Variants in SLC50A1 observed in about 807,000 individuals in gnomAD.
The protein encoded by SLC50A1 is solute carrier family 50 member 1, also known as sugar transporter SWEET1.
SLC50A1 carries 22 observed loss-of-function variants against 28.9 expected under a neutral mutation model. That is an observed-to-expected ratio of 0.76 (90% CI 0.54 to 1.09). The LOEUF (loss-of-function observed/expected upper bound fraction) is 1.09, where lower values mean the gene tolerates loss of function less well. SLC50A1 is among the 50% of genes least tolerant of loss of function. SLC50A1 has a pLI of 0.00. For synonymous variants in SLC50A1, 96 were observed against 110.6 expected (o/e 0.87, Z 0.83); for missense variants, 233 against 273.4 (o/e 0.85, Z 1.04).
Position 155,138,641 on chromosome 1 carries a change from A to G in SLC50A1, c.*360A>G, listed in dbSNP as rs375662790. The G allele has an allele frequency of 5.1e-5, 11 of 213,976 alleles. No homozygotes were observed. In the East Asian group the frequency reaches 9.9e-4, roughly 19 times the overall value. 13.3% of individuals were successfully genotyped at this position (213,976 alleles called of 1,614,324 possible). A position where few individuals can be genotyped will look rare whatever the true frequency, so the allele number is the denominator to read the frequency against. ...GGAGTTCAAGACCAACCTGACTAAC[A>G]TGGTGAAACCCCATCTCTACTAAAA... On this transcript the variant is annotated 3_prime_UTR_variant, in exon 6 of 6. Coordinates refer to ENST00000368404, the MANE Select transcript of SLC50A1 (RefSeq NM_018845.4).
intron 2 of SLC50A1, 188 bp from the exon 3 acceptor site, chr1:155,136,639 AG>A (rs1664499811): frequency 2.4e-6 from 2 of 849,992 alleles, no homozygotes. Context: ...GCTACTCGGG[AG>A]GCTGAGGCAG....
chr1:155,136,479 C>G (rs1231022595), intron 2 of SLC50A1, 103 bp downstream of exon 2: 2 of 1,095,480 alleles, frequency 1.8e-6, no homozygotes, highest in Non-Finnish European at 2.7e-6. Context: ...CGCGGTGGCT[C>G]ACGCCTGTAA....
chr1:155,135,638 C>A, upstream of SLC50A1: 2 of 1,550,348 alleles, frequency 1.3e-6, no homozygotes, highest in Non-Finnish European at 8.7e-7. Context: ...CGGGGACACA[C>A]CCGCGGAGCC....
chr1:155,137,362 C>T (rs1445249249), intron 3 of SLC50A1, among the ~76,000 whole-genome samples, 199 bp from the exon 4 acceptor site: 1 of 152,174 alleles, frequency 6.6e-6, no homozygotes, highest in Non-Finnish European at 1.5e-5. Context: ...ATATTTATCT[C>T]CCCCAGAAGT....
upstream of SLC50A1, chr1:155,135,629 G>A: frequency 6.5e-7 from 1 of 1,550,316 alleles, no homozygotes; most frequent in Non-Finnish European, 8.7e-7. Flanking sequence ...GGCAGGTATC[G>A]GGGACACACC....
chr1:155,135,806 C>T (rs1466587973), upstream of SLC50A1: 3 of 1,565,122 alleles, frequency 1.9e-6, no homozygotes, highest in Admixed American at 1.9e-5. Flanking sequence ...GGGGCGGAGC[C>T]GAGTGCGCGG....
In SLC50A1 at chr1:155,138,838, G is replaced by A. The variant is rs1222588425; in HGVS notation, c.*557G>A. The A allele has an allele frequency of 6.4e-6, 1 of 156,294 alleles. No individual in the cohort carries two copies. Among genetic ancestry groups the A allele is most frequent in the East Asian group, 1.8e-4 (1 of 5,406 alleles). The allele number at this position is 156,294 out of a possible 1,614,324, so 9.7% of individuals were successfully genotyped here. ...ATATGAATATGCCTTAAAATAAAGT[G>A]TTCCCCACCCCTGCCCACGATGGTT... On this transcript the variant is annotated 3_prime_UTR_variant, in exon 6 of 6. Coordinates refer to ENST00000368404, the MANE Select transcript of SLC50A1 (RefSeq NM_018845.4).
Position 155,136,395 on chromosome 1 carries a change from C to A in SLC50A1, c.158+19C>A. 6.3e-7 allele frequency: 1 copy of A among 1,596,044 alleles called. No individual in the cohort carries two copies. Among genetic ancestry groups the A allele is most frequent in the South Asian group, 1.1e-5 (1 of 89,906 alleles). ...AAGTCAAGTGAGGGGCCGACGGCTG[C>A]GGTAGTGGGAAAGGCTACCAGAGGG... On this transcript the variant is annotated intron_variant, in intron 2 of 5. Coordinates refer to ENST00000368404, the MANE Select transcript of SLC50A1 (RefSeq NM_018845.4).
chr1:155,135,937 C>T lies in SLC50A1; in HGVS notation c.26C>T (p.Ser9Leu). The change falls in exon 1 of 6, where the codon TCG (serine) becomes TTG (leucine). Residue 9 changes from serine (S) to leucine (L), a missense_variant. By Grantham distance (145) the Ser-to-Leu change is moderately radical. Coordinates refer to ENST00000368404, the MANE Select transcript of SLC50A1 (RefSeq NM_018845.4). ...ATGGAGGCGGGCGGCTTTCTGGACT[C>T]GCTCATTTACGGAGCATGCGTGGTC... MEAGGFLDSLIYGACVVFT... is the reference protein window; with the variant it reads MEAGGFLDLLIYGACVVFT... 6.2e-7 allele frequency: 1 copy of T among 1,614,014 alleles called. No individual in the cohort carries two copies. The highest frequency in any genetic ancestry group is 8.5e-7 in the Non-Finnish European group (1 of 1,179,998).
At position 155,138,008 on chromosome 1, in the gene SLC50A1, A is replaced by G. The variant is rs755141168; in HGVS notation, c.474A>G (p.Gln158=). Reference sequence around the variant, plus strand: ...AGGTGATTCAAACTAAATCAACCCAATGTCTCTCCTACCCACTCACCATTG... The same window carrying G: ...AGGTGATTCAAACTAAATCAACCCAGTGTCTCTCCTACCCACTCACCATTG... ...LAKVIQTKST[Q]CLSYPLTIAT... is the part of the protein sequence containing the mutation. The change falls in exon 5 of 6, where the codon CAA becomes CAG. Residue 158 remains glutamine (Q), a synonymous_variant. Transcript: ENST00000368404. The G allele has an allele frequency of 6.2e-6, 10 of 1,613,970 alleles. No homozygotes were observed. The highest frequency in any genetic ancestry group is 5.5e-5 in the South Asian group (5 of 91,074).
chr1:155,136,623 G>A, intron 2 of SLC50A1: 1 of 776,072 alleles, frequency 1.3e-6, no homozygotes, highest in Non-Finnish European at 2.0e-6. Context: ...GGCGCCTGTA[G>A]TCCCAGCTAC....
In SLC50A1 at chr1:155,137,719, C is replaced by T. The variant is rs1664572525; in HGVS notation, c.441C>T (p.Asp147=). 1.2e-6 allele frequency: 2 copies of T among 1,613,986 alleles called. No homozygotes were observed. Among genetic ancestry groups the T allele is most frequent in the South Asian group, 2.2e-5 (2 of 91,088 alleles). The part of the protein sequence containing the change: ...TISMYLSPLA[D]LAKVIQTKST... ...GCATGTACCTCTCACCACTGGCTGACTTGGTGAGTGGGGGTGTCCAAGGAG... is the reference window on the plus strand; with the variant it reads ...GCATGTACCTCTCACCACTGGCTGATTTGGTGAGTGGGGGTGTCCAAGGAG... Residue 147 remains aspartate (D), a synonymous_variant, in exon 4 of 6, where the codon GAC becomes GAT. Coordinates refer to ENST00000368404, the MANE Select transcript of SLC50A1 (RefSeq NM_018845.4).
At position 155,136,806 on chromosome 1, in the gene SLC50A1, G is replaced by A. The variant is rs758044999; in HGVS notation, c.159-22G>A. 7 of 1,614,024 alleles carry A rather than the reference G, an allele frequency of 4.3e-6. No homozygotes were observed. In the South Asian group the frequency reaches 7.7e-5, roughly 18 times the overall value. ...TCTCACACTGAACCCTTTGAGCCAT[G>A]TCCATCCCCTCCACCCTGCAGCAAC... is the stretch of plus-strand genomic sequence containing the variant. On this transcript the variant is annotated intron_variant, in intron 2 of 5. Coordinates refer to ENST00000368404, the MANE Select transcript of SLC50A1 (RefSeq NM_018845.4).
In SLC50A1 at chr1:155,136,327, C is replaced by T. The variant is rs755623509; in HGVS notation, c.109C>T (p.Arg37Trp). Residue 37 changes from arginine (R) to tryptophan (W), a missense_variant, in exon 2 of 6, where the codon CGG (arginine) becomes TGG (tryptophan). Arg to Trp is a moderately radical substitution (Grantham distance 101). Coordinates refer to ENST00000368404, the MANE Select transcript of SLC50A1 (RefSeq NM_018845.4). ...LSDLRHMRMT[R>W]SVDNVQFLPF... is the part of the protein sequence containing the mutation. ...GGACCTCAGGCACATGCGAATGACC[C>T]GGAGTGTGGACAACGTCCAGTTCCT... 2.7e-5 allele frequency: 43 copies of T among 1,611,690 alleles called. No individual in the cohort carries two copies. Among genetic ancestry groups the T allele is most frequent in the African/African-American group, 8.0e-5 (6 of 74,812 alleles).
chr1:155,135,822 G>A (rs551476033), upstream of SLC50A1: 1,678 of 1,581,454 alleles, frequency 1.1e-3, 13 homozygotes, highest in African/African-American at 0.021. Flanking sequence ...CGCGGGGCGG[G>A]GCTCCAGAGC....
upstream of SLC50A1, chr1:155,135,468 G>A (rs1220926430): frequency 3.1e-6 from 3 of 978,360 alleles, no homozygotes; most frequent in Non-Finnish European, 4.4e-6. Context: ...TTCTGATGTG[G>A]AGCTCTGGAT....
Position 155,138,324 on chromosome 1 carries a change from C to A in SLC50A1, c.*43C>A. On this transcript the variant is annotated 3_prime_UTR_variant, in exon 6 of 6. Transcript: ENST00000368404. ...CTGGGCACCTTAGTGCCAACCTGAA[C>A]CAAAGAGACCTCCTTGTTTCAGCTG... is the stretch of plus-strand genomic sequence containing the variant. 1 of 1,579,652 alleles carries A rather than the reference C, an allele frequency of 6.3e-7. No homozygotes were observed.
intron 2 of SLC50A1, chr1:155,136,620 G>A (rs1664498607): frequency 2.6e-6 from 2 of 756,840 alleles, no homozygotes; most frequent in South Asian, 3.7e-5. Flanking sequence ...CCGGGCGCCT[G>A]TAGTCCCAGC....
At chr1:155,136,081 G>T in intron 1 of SLC50A1, 90 bp downstream of exon 1, 1 of 1,484,808 alleles carries the variant, frequency 6.7e-7, no homozygotes. Context: ...CACCTGGCTC[G>T]TCCGGAACCG....
Sources: allele counts gnomAD v4.1 joint callset (sites outside exome capture counted in the v4.1 genomes callset), GRCh38; gene constraint gnomAD v4.1.1; transcripts MANE v1.5; gene names NCBI Gene and HGNC (gene_info 2026-07-23, HGNC 2026-07-21).